Variants in ABCA12 observed in about 807,000 individuals in gnomAD.
ABCA12 encodes the protein glucosylceramide transporter ABCA12.
ABCA12 carries 156 observed loss-of-function variants against 293.5 expected under a neutral mutation model. That is an observed-to-expected ratio of 0.53 (90% confidence interval 0.47 to 0.61). The LOEUF is 0.61. Among genes scored for constraint, ABCA12 ranks in the 20% least tolerant of loss-of-function variants. ABCA12 has a pLI of 0.00. For missense variants in ABCA12, 2,797 were observed against 3,090.2 expected (o/e 0.91, Z 2.25); for synonymous variants, 1,063 against 1,108.0 (o/e 0.96, Z 0.81).
chr2:215,020,206 A>G (rs950535849), intron 11 of ABCA12, among the ~76,000 whole-genome samples: 1 of 150,188 alleles, frequency 6.7e-6, no homozygotes, highest in Admixed American at 6.8e-5. Flanking sequence ...TAAGATGACT[A>G]CTATTTAAAA....
intron 8 of ABCA12, among the ~76,000 whole-genome samples, chr2:215,035,395 C>T (rs574267680): frequency 7.9e-5 from 12 of 152,160 alleles, no homozygotes; most frequent in African/African-American, 2.2e-4. Context: ...AAAAGCCAGA[C>T]GTGGTGGCTC....
At chr2:215,097,011 G>C (rs1207326115) in intron 2 of ABCA12, among the ~76,000 whole-genome samples, 1 of 151,976 alleles carries the variant, frequency 6.6e-6, no homozygotes, top group Non-Finnish European at 1.5e-5. Context: ...AACAGACTTA[G>C]GTATAGATCC....
chr2:215,048,604 G>A (rs184500584), intron 6 of ABCA12, among the ~76,000 whole-genome samples: 14 of 152,184 alleles, frequency 9.2e-5, no homozygotes, highest in Non-Finnish European at 1.5e-4. Context: ...TCGGGAGGCT[G>A]AGGCACGAGA....
At chr2:215,137,378 C>T (rs546974324) in intron 1 of ABCA12, among the ~76,000 whole-genome samples, 2 of 152,102 alleles carry the variant, frequency 1.3e-5, no homozygotes, top group Admixed American at 1.3e-4. Context: ...TGGATTTCCC[C>T]GATTTTCAAA....
At chr2:215,067,286 T>C (rs1341651484) in intron 2 of ABCA12, among the ~76,000 whole-genome samples, 1 of 152,124 alleles carries the variant, frequency 6.6e-6, no homozygotes, top group Non-Finnish European at 1.5e-5. Flanking sequence ...GCCTCTCTCT[T>C]TCTTTCACGA....
intron 2 of ABCA12, among the ~76,000 whole-genome samples, chr2:215,068,670 A>G (rs1406533227): frequency 2.0e-5 from 3 of 151,218 alleles, no homozygotes; most frequent in African/African-American, 7.3e-5. Context: ...CTTTTCACTC[A>G]CTACTTCCTC....
intron 18 of ABCA12, among the ~76,000 whole-genome samples, chr2:215,008,147 C>T (rs770476027): frequency 7.9e-5 from 12 of 152,102 alleles, no homozygotes; most frequent in Non-Finnish European, 1.6e-4. Context: ...TTTTCACCAA[C>T]GACACACTTA....
At chr2:214,993,242 C>T (rs917099810) in intron 23 of ABCA12, among the ~76,000 whole-genome samples, 5 of 152,182 alleles carry the variant, frequency 3.3e-5, no homozygotes, top group Admixed American at 6.5e-5. Context: ...TCCTCCAAGG[C>T]CCTGTCACCA....
intron 45 of ABCA12, among the ~76,000 whole-genome samples, chr2:214,949,377 T>TACACACACAC (rs368602071): frequency 3.4e-4 from 48 of 143,136 alleles, no homozygotes; most frequent in African/African-American, 1.3e-3. Flanking sequence ...TATATATATA[T>TACACACACAC]ACACACACAC....
chr2:214,956,803 T>A (rs368654226), intron 41 of ABCA12, 25 bp from the exon 42 acceptor site: 23 of 1,502,272 alleles, frequency 1.5e-5, no homozygotes, highest in Non-Finnish European at 2.0e-5. Context: ...AAAACAATGT[T>A]TAATACGTGA....
In ABCA12 at chr2:214,945,072, C is replaced by A; in HGVS notation, c.7272G>T (p.Ser2424=). 3 of 1,613,600 alleles carry A rather than the reference C, an allele frequency of 1.9e-6. No homozygotes were observed. The highest frequency in any genetic ancestry group is 2.5e-6 in the Non-Finnish European group (3 of 1,179,858). The part of the protein sequence containing the change: ...DEPSSGMDPK[S]KRHLWKIISE... ...AAATGATCTTCCAGAGGTGCCGTTT[C>A]GACTTCGGATCCATGCCAGAGCTCG... Residue 2424 remains serine, a synonymous_variant, in exon 49 of 53, where the codon TCG becomes TCT. Coordinates refer to ENST00000272895, the MANE Select transcript of ABCA12 (RefSeq NM_173076.3).
At chr2:214,998,023 GA>G (rs10714956) in intron 22 of ABCA12, among the ~76,000 whole-genome samples, 147,499 of 151,424 alleles carry the variant, frequency 0.97, 71,937 homozygotes, top group East Asian at 1. Context: ...TCAAGAGTAA[GA>G]AAAAAAAAAG....
intron 7 of ABCA12, among the ~76,000 whole-genome samples, chr2:215,043,575 G>T (rs1575006052): frequency 2.6e-5 from 3 of 117,130 alleles, no homozygotes; most frequent in South Asian, 4.4e-4. Context: ...TGGAATTTTT[G>T]TTGTTGTTGT....
Position 214,978,867 on chromosome 2 carries a change from G to T in ABCA12, c.4914C>A (p.Leu1638=). 1.2e-6 allele frequency: 2 copies of T among 1,614,014 alleles called. No individual in the cohort carries two copies. Among genetic ancestry groups the T allele is most frequent in the South Asian group, 1.1e-5 (1 of 91,072 alleles). Residue 1638 remains leucine, a synonymous_variant, in exon 32 of 53, where the codon CTC becomes CTA. Coordinates refer to ENST00000272895, the MANE Select transcript of ABCA12 (RefSeq NM_173076.3). ...SGAYLSLLRA[L]DNGMGDLNIG... is the part of the protein sequence containing the mutation. ...TGTTGAGGTCACCCATGCCATTGTC[G>T]AGTGCCCGTAGGAGTGACAGGTAGG... is the stretch of plus-strand genomic sequence containing the variant.
chr2:215,077,124 AATG>A (rs541658495), intron 2 of ABCA12, among the ~76,000 whole-genome samples: 111 of 152,280 alleles, frequency 7.3e-4, no homozygotes, highest in Middle Eastern at 3.4e-3. Context: ...ACTTCTTTTA[AATG>A]ATAACACAAA....
At chr2:215,019,205 G>C in intron 13 of ABCA12, 131 bp downstream of exon 13, 1 of 746,588 alleles carries the variant, frequency 1.3e-6, no homozygotes. Flanking sequence ...GAATGCTTCA[G>C]GTTTCTCATG....
chr2:214,978,416 A>G lies in ABCA12; in HGVS notation c.5028T>C (p.Leu1676=), dbSNP rs1169239339. 1 of 1,613,742 alleles carries G rather than the reference A, an allele frequency of 6.2e-7. No individual in the cohort carries two copies. Among genetic ancestry groups the G allele is most frequent in the Non-Finnish European group, 8.5e-7 (1 of 1,179,842 alleles). Residue 1676 remains leucine (L), a synonymous_variant, in exon 33 of 53, where the codon CTT becomes CTC. Coordinates refer to ENST00000272895, the MANE Select transcript of ABCA12 (RefSeq NM_173076.3). ...KESQKNSAMS[L]EHLTQKKIGN... ...CAATTTTCTTTTGTGTTAAGTGCTC[A>G]AGACTCATAGCACTATTTTTTTGTG...
chr2:215,024,208 G>A (rs1251280852), intron 11 of ABCA12, among the ~76,000 whole-genome samples: 1 of 152,016 alleles, frequency 6.6e-6, no homozygotes, highest in Admixed American at 6.6e-5. Context: ...TAGATATCCC[G>A]CCTCCATGCA....
intron 52 of ABCA12, 131 bp from the exon 53 acceptor site, chr2:214,932,872 A>G: frequency 2.8e-6 from 2 of 706,676 alleles, no homozygotes; most frequent in Non-Finnish European, 2.5e-6. Context: ...GCAGGCCCCT[A>G]TAAAATCCAA....
Sources: allele counts gnomAD v4.1 joint callset (sites outside exome capture counted in the v4.1 genomes callset), GRCh38; gene constraint gnomAD v4.1.1; transcripts MANE v1.5; gene names NCBI Gene and HGNC (gene_info 2026-07-23, HGNC 2026-07-21).